GABBR2: variants seen among roughly 807,000 people sequenced by gnomAD.
GABBR2 encodes gamma-aminobutyric acid type B receptor subunit 2.
GABBR2 carries 23 observed loss-of-function variants against 105.6 expected under a neutral mutation model. The observed-to-expected ratio is 0.22, with a 90% CI of 0.16 to 0.31. The LOEUF (loss-of-function observed/expected upper bound fraction) is 0.31, where lower values mean the gene tolerates loss of function less well. Among genes scored for constraint, GABBR2 ranks in the 10% least tolerant of loss-of-function variants. The pLI, the probability that GABBR2 is intolerant of heterozygous loss-of-function variation, is 1.00. For synonymous variants in GABBR2, 478 were observed against 499.7 expected, an observed-to-expected ratio of 0.96 and a Z score of 0.58; for missense variants, 734 against 1,245.5, an observed-to-expected ratio of 0.59 and a Z score of 6.18.
At chr9:98,594,973 C>T (rs1043817004) in intron 1 of GABBR2, among the ~76,000 whole-genome samples, 2 of 152,142 alleles carry the variant, frequency 1.3e-5, no homozygotes, top group Admixed American at 1.3e-4. Context: ...GGTCAGAGCC[C>T]GGTTCTCAGG....
intron 7 of GABBR2, among the ~76,000 whole-genome samples, chr9:98,419,470 A>G (rs1832744689): frequency 6.6e-6 from 1 of 152,164 alleles, no homozygotes; most frequent in South Asian, 2.1e-4. Flanking sequence ...GCGGCCAGCC[A>G]CTCTGCTGAG....
chr9:98,504,992 G>A (rs1365704597), intron 3 of GABBR2, among the ~76,000 whole-genome samples: 2 of 152,248 alleles, frequency 1.3e-5, no homozygotes, highest in Non-Finnish European at 1.5e-5. Context: ...CTGTCATGTA[G>A]AGGGGGGGCA....
chr9:98,309,321 A>G (rs1307176788), intron 14 of GABBR2, among the ~76,000 whole-genome samples: 2 of 152,250 alleles, frequency 1.3e-5, no homozygotes, highest in African/African-American at 4.8e-5. Flanking sequence ...CAGTTTAAAG[A>G]TGTCAATATG....
At chr9:98,368,413 A>T (rs926646564) in intron 12 of GABBR2, among the ~76,000 whole-genome samples, 1 of 151,906 alleles carries the variant, frequency 6.6e-6, no homozygotes, top group East Asian at 1.9e-4. Context: ...GCCTGGACCC[A>T]CTGCAAGCCT....
At chr9:98,334,447 T>A (rs1831080257) in intron 13 of GABBR2, among the ~76,000 whole-genome samples, 1 of 152,212 alleles carries the variant, frequency 6.6e-6, no homozygotes, top group Non-Finnish European at 1.5e-5. Flanking sequence ...CTCAGGCCAG[T>A]CAGGTCACCT....
At chr9:98,653,786 C>G (rs912888767) in intron 1 of GABBR2, among the ~76,000 whole-genome samples, 1 of 151,994 alleles carries the variant, frequency 6.6e-6, no homozygotes, top group African/African-American at 2.4e-5. Context: ...TTTATGTAAT[C>G]AGAAGGGAGA....
At chr9:98,572,558 C>A (rs1408708662) in intron 2 of GABBR2, among the ~76,000 whole-genome samples, 1 of 152,188 alleles carries the variant, frequency 6.6e-6, no homozygotes, top group Admixed American at 6.5e-5. Context: ...TGTAGACCCA[C>A]CCATCCACCC....
At chr9:98,443,604 T>C (rs541611378) in intron 7 of GABBR2, among the ~76,000 whole-genome samples, 1 of 152,330 alleles carries the variant, frequency 6.6e-6, no homozygotes, top group African/African-American at 2.4e-5. Context: ...TCACCAGTTA[T>C]GCACTGTGGG....
intron 7 of GABBR2, among the ~76,000 whole-genome samples, chr9:98,418,258 G>A (rs565857515): frequency 6.6e-6 from 1 of 152,260 alleles, no homozygotes; most frequent in East Asian, 1.9e-4. Context: ...TGGGAGGGAG[G>A]CTGGGCATGG....
At chr9:98,610,553 G>A (rs1829490892) in intron 1 of GABBR2, among the ~76,000 whole-genome samples, 1 of 152,166 alleles carries the variant, frequency 6.6e-6, no homozygotes, top group Non-Finnish European at 1.5e-5. Flanking sequence ...TATTCAGGTA[G>A]GCTATAAATC....
intron 13 of GABBR2, among the ~76,000 whole-genome samples, chr9:98,340,162 A>C (rs778275643): frequency 1.6e-4 from 23 of 145,442 alleles, no homozygotes; most frequent in Admixed American, 1.3e-3. Context: ...AAGAACATTT[A>C]TTGCTTTAAT....
intron 5 of GABBR2, among the ~76,000 whole-genome samples, chr9:98,479,330 T>C (rs984642190): frequency 6.6e-6 from 1 of 152,196 alleles, no homozygotes; most frequent in African/African-American, 2.4e-5. Context: ...CAGAGGGTTT[T>C]TGCTCAACAA....
chr9:98,497,806 G>A (rs1223686933), intron 3 of GABBR2, among the ~76,000 whole-genome samples: 1 of 152,198 alleles, frequency 6.6e-6, no homozygotes, highest in Non-Finnish European at 1.5e-5. Context: ...TGCCACTGCT[G>A]TGGAAAACAG....
chr9:98,414,440 GC>G (rs1466320360), intron 7 of GABBR2, among the ~76,000 whole-genome samples: 1 of 152,200 alleles, frequency 6.6e-6, no homozygotes, highest in Non-Finnish European at 1.5e-5. Context: ...AATGTGACCG[GC>G]AAGGTGGACA....
At chr9:98,324,218 G>C (rs886067178) in intron 13 of GABBR2, among the ~76,000 whole-genome samples, 3 of 152,202 alleles carry the variant, frequency 2.0e-5, no homozygotes, top group Non-Finnish European at 4.4e-5. Flanking sequence ...AAGGCAGGCT[G>C]CTGCCTGGAT....
intron 13 of GABBR2, among the ~76,000 whole-genome samples, chr9:98,319,302 T>C (rs557352268): frequency 2.0e-5 from 3 of 152,310 alleles, no homozygotes; most frequent in East Asian, 3.9e-4. Context: ...CACAGAGCGC[T>C]GGAGCTGGGA....
chr9:98,687,268 A>T (rs550233256), intron 1 of GABBR2, among the ~76,000 whole-genome samples: 6 of 151,812 alleles, frequency 4.0e-5, no homozygotes, highest in Non-Finnish European at 8.8e-5. Flanking sequence ...GAACATTACT[A>T]TGAGGAAATG....
At chr9:98,697,765 T>C (rs1420937109) in intron 1 of GABBR2, among the ~76,000 whole-genome samples, 1 of 152,218 alleles carries the variant, frequency 6.6e-6, no homozygotes, top group Non-Finnish European at 1.5e-5. Flanking sequence ...GAAGGGTTAC[T>C]TGGGCTCCAG....
intron 1 of GABBR2, among the ~76,000 whole-genome samples, chr9:98,664,897 G>T (rs916674634): frequency 2.6e-5 from 4 of 152,158 alleles, no homozygotes; most frequent in Admixed American, 2.0e-4. Context: ...AGGCTGAGGT[G>T]GGAGGATCGC....
Sources: allele counts gnomAD v4.1 joint callset (sites outside exome capture counted in the v4.1 genomes callset), GRCh38; gene constraint gnomAD v4.1.1; transcripts MANE v1.5; gene names NCBI Gene and HGNC (gene_info 2026-07-23, HGNC 2026-07-21).